The following PCDH15 variants were observed in gnomAD, a reference collection of about 807,000 sequenced individuals.
PCDH15 encodes the protein protocadherin-15.
A neutral mutation model predicts 178.5 loss-of-function variants in PCDH15; 129 were observed. That is an observed-to-expected ratio of 0.72 (90% CI 0.63 to 0.84). The LOEUF is 0.84. Among genes scored for constraint, PCDH15 ranks in the 40% least tolerant of loss-of-function variants. PCDH15 has a pLI of 0.00. For missense variants in PCDH15, 2,230 were observed against 2,099.9 expected (o/e 1.06, Z -1.21); for synonymous variants, 800 against 732.0 (o/e 1.09, Z -1.50).
At chr10:55,545,662 C>T (rs1041750193) in intron 2 of PCDH15, among the ~76,000 whole-genome samples, 28 of 152,228 alleles carry the variant, frequency 1.8e-4, no homozygotes, top group Non-Finnish European at 2.2e-4. Flanking sequence ...CCGCCCGCCT[C>T]AGCCTCCCAA....
rs76487075 is a variant in PCDH15 at position 54,534,548 on chromosome 10, G to A, written c.92-6671C>T. Among the ~76,000 whole-genome samples the A allele has an allele frequency of 8.3e-3, 1,259 of 152,268 alleles. 17 individuals carry two copies. Among genetic ancestry groups the A allele is most frequent in the African/African-American group, 0.029 (1,187 of 41,538 alleles). On this transcript the variant is annotated intron_variant, in intron 2 of 37. Transcript: ENST00000644397. Reference sequence around the variant, plus strand: ...AGATCAAGGAAGAGTTGCAGATTTTGTGAAACCTCTATTCCTGCCAACATT... The same window carrying A: ...AGATCAAGGAAGAGTTGCAGATTTTATGAAACCTCTATTCCTGCCAACATT...
intron 9 of PCDH15, among the ~76,000 whole-genome samples, chr10:54,228,867 G>C (rs2053752581): frequency 6.6e-6 from 1 of 152,124 alleles, no homozygotes; most frequent in Non-Finnish European, 1.5e-5. Context: ...TGTTTTACCA[G>C]CTCTTTCTAC....
chr10:54,803,635 C>T (rs561681241), upstream of PCDH15, among the ~76,000 whole-genome samples: 2 of 152,144 alleles, frequency 1.3e-5, no homozygotes, highest in African/African-American at 2.4e-5. Flanking sequence ...AGACACACTG[C>T]TCATACAGAG....
At chr10:53,907,967 T>C (rs1208316190) in intron 25 of PCDH15, among the ~76,000 whole-genome samples, 2 of 152,196 alleles carry the variant, frequency 1.3e-5, no homozygotes, top group Non-Finnish European at 2.9e-5. Flanking sequence ...TAGTTTTTTC[T>C]TTTTAGGAAG....
chr10:54,173,311 G>T (rs181142222), intron 13 of PCDH15, among the ~76,000 whole-genome samples: 2 of 151,814 alleles, frequency 1.3e-5, no homozygotes, highest in African/African-American at 4.8e-5. Flanking sequence ...ATTTGGCATC[G>T]TGCGCAATAC....
intron 2 of PCDH15, among the ~76,000 whole-genome samples, chr10:54,618,292 AT>A (rs1319258732): frequency 2.0e-5 from 3 of 152,130 alleles, no homozygotes; most frequent in African/African-American, 7.2e-5. Context: ...TACTTAGGTT[AT>A]TACAAATGCC....
At chr10:54,374,375 G>T (rs1206888561) in intron 4 of PCDH15, among the ~76,000 whole-genome samples, 2 of 152,036 alleles carry the variant, frequency 1.3e-5, no homozygotes, top group Non-Finnish European at 2.9e-5. Flanking sequence ...CGTTTCAAAA[G>T]CTTTTAAAAT....
intron 2 of PCDH15, among the ~76,000 whole-genome samples, chr10:54,985,943 T>TA (rs1366437993): frequency 6.6e-6 from 1 of 152,214 alleles, no homozygotes; most frequent in Non-Finnish European, 1.5e-5. Context: ...CGTTAGGCCT[T>TA]AGAGTCATGT....
At chr10:55,391,503 G>A (rs1271289088) in intron 2 of PCDH15, among the ~76,000 whole-genome samples, 3 of 151,496 alleles carry the variant, frequency 2.0e-5, no homozygotes, top group Non-Finnish European at 2.9e-5. Context: ...TTGGGGGGTG[G>A]GGGGATGGAG....
intron 2 of PCDH15, among the ~76,000 whole-genome samples, chr10:55,088,475 T>C (rs1479883112): frequency 6.6e-6 from 1 of 152,086 alleles, no homozygotes; most frequent in Non-Finnish European, 1.5e-5. Context: ...GGTCTTACCC[T>C]GTTGGCCAGG....
At chr10:53,866,608 G>C in intron 27 of PCDH15, 34 bp downstream of exon 27, 1 of 1,531,964 alleles carries the variant, frequency 6.5e-7, no homozygotes, top group South Asian at 1.1e-5. Context: ...TAGTATCGTA[G>C]CTACTTCCCT....
At chr10:54,289,637 C>G (rs974115191) in intron 8 of PCDH15, among the ~76,000 whole-genome samples, 3 of 152,122 alleles carry the variant, frequency 2.0e-5, no homozygotes, top group African/African-American at 7.2e-5. Context: ...TGCAAGGAAG[C>G]TAAAATCCTT....
At chr10:54,700,957 T>C (rs1261496792) in intron 1 of PCDH15, among the ~76,000 whole-genome samples, 2 of 152,010 alleles carry the variant, frequency 1.3e-5, no homozygotes, top group African/African-American at 2.4e-5. Context: ...TAAATGCTGC[T>C]AGAAAGAGGC....
At chr10:54,733,597 A>C (rs1591350158) in intron 1 of PCDH15, among the ~76,000 whole-genome samples, 1 of 151,608 alleles carries the variant, frequency 6.6e-6, no homozygotes, top group Admixed American at 6.6e-5. Context: ...GATACCAAAA[A>C]ACTGATTATA....
intron 37 of PCDH15, chr10:53,808,559 T>G (rs1174588115): frequency 6.2e-6 from 9 of 1,444,212 alleles, no homozygotes; most frequent in African/African-American, 1.4e-5. Flanking sequence ...TTTTCTGGCA[T>G]GCTTCTGATC....
intron 28 of PCDH15, among the ~76,000 whole-genome samples, chr10:53,854,148 T>A (rs1157504691): frequency 6.6e-6 from 1 of 151,924 alleles, no homozygotes; most frequent in Non-Finnish European, 1.5e-5. Flanking sequence ...CTAAGTGAAA[T>A]AATCCAATCA....
intron 8 of PCDH15, among the ~76,000 whole-genome samples, chr10:54,280,278 CT>C (rs2058606152): frequency 7.5e-6 from 1 of 133,872 alleles, no homozygotes; most frequent in Non-Finnish European, 1.6e-5. Context: ...AACAAAATTT[CT>C]AGTTTTTTTT....
At position 54,535,253 on chromosome 10, in the gene PCDH15, T is replaced by G. The variant is rs61853598; in HGVS notation, c.92-7376A>C. Among the ~76,000 whole-genome samples the G allele has an allele frequency of 1.9e-3, 286 of 152,344 alleles. 1 individual carries two copies. The highest frequency in any genetic ancestry group is 4.0e-3 in the Admixed American group (61 of 15,302). ...CATTCATGGTAATTACTCAACATCA[T>G]TGCTTTCATCAATACAATTTACTCT... is the stretch of plus-strand genomic sequence containing the variant. On this transcript the variant is annotated intron_variant, in intron 2 of 37. Coordinates refer to ENST00000644397, the MANE Select transcript of PCDH15 (RefSeq NM_001384140.1).
chr10:54,636,243 T>C (rs1288773997), intron 2 of PCDH15, among the ~76,000 whole-genome samples: 2 of 151,916 alleles, frequency 1.3e-5, no homozygotes, highest in African/African-American at 2.4e-5. Flanking sequence ...CTTAATGGTA[T>C]TTATTTGTAC....
Sources: allele counts gnomAD v4.1 joint callset (sites outside exome capture counted in the v4.1 genomes callset), GRCh38; gene constraint gnomAD v4.1.1; transcripts MANE v1.5; gene names NCBI Gene and HGNC (gene_info 2026-07-23, HGNC 2026-07-21).